ASIC2: variants seen among roughly 807,000 people sequenced by gnomAD.
ASIC2 encodes acid-sensing ion channel 2.
A neutral mutation model predicts 57.3 loss-of-function variants in ASIC2; 25 were observed. That is an observed-to-expected ratio of 0.44 (90% CI 0.32 to 0.61). The LOEUF (loss-of-function observed/expected upper bound fraction) is 0.61, where lower values mean the gene tolerates loss of function less well. Among genes scored for constraint, ASIC2 ranks in the 20% least tolerant of loss-of-function variants. The probability of loss-of-function intolerance (pLI) is 0.06; values close to 1 mark genes in which losing one functional copy is unlikely to be tolerated. For missense variants in ASIC2, 641 were observed against 738.1 expected (o/e 0.87, Z 1.52); for synonymous variants, 319 against 307.5 (o/e 1.04, Z -0.39).
chr17:34,079,962 C>T (rs1487090839), intron 1 of ASIC2, among the ~76,000 whole-genome samples: 1 of 142,134 alleles, frequency 7.0e-6, no homozygotes, highest in Non-Finnish European at 1.5e-5. Flanking sequence ...AAATCTCCAA[C>T]TTCTTGCATG....
intron 1 of ASIC2, among the ~76,000 whole-genome samples, chr17:33,756,697 AACCTCTTTAAG>A (rs1910614421): frequency 1.4e-5 from 1 of 71,036 alleles, no homozygotes; most frequent in Non-Finnish European, 5.6e-5. Context: ...ACACTTAGAG[AACCTCTTTAAG>A]AAGGTAAAGA....
chr17:33,872,449 G>C (rs2141932705), intron 1 of ASIC2, among the ~76,000 whole-genome samples: 1 of 152,268 alleles, frequency 6.6e-6, no homozygotes, highest in East Asian at 1.9e-4. Context: ...TTATGAGCCA[G>C]GTATTCCTTC....
intron 1 of ASIC2, among the ~76,000 whole-genome samples, chr17:33,224,837 T>C (rs1907821986): frequency 6.6e-6 from 1 of 152,158 alleles, no homozygotes; most frequent in Non-Finnish European, 1.5e-5. Flanking sequence ...TGGCCAGACA[T>C]GATTTGGGGT....
At chr17:33,374,039 A>C (rs1033835967) in intron 1 of ASIC2, among the ~76,000 whole-genome samples, 4 of 152,066 alleles carry the variant, frequency 2.6e-5, no homozygotes, top group Non-Finnish European at 5.9e-5. Context: ...CTTGCGGCCC[A>C]GGCTGCAGCA....
chr17:33,475,638 A>G (rs1913195503), intron 1 of ASIC2, among the ~76,000 whole-genome samples: 2 of 152,218 alleles, frequency 1.3e-5, no homozygotes, highest in Admixed American at 1.3e-4. Context: ...AGTGGCTTTC[A>G]CTGAAATTTC....
intron 1 of ASIC2, among the ~76,000 whole-genome samples, chr17:34,130,362 C>T (rs1422985387): frequency 6.6e-6 from 1 of 152,168 alleles, no homozygotes; most frequent in Non-Finnish European, 1.5e-5. Context: ...TCATGGCTTA[C>T]GAGGAGATGC....
At chr17:33,880,026 A>C (rs921818146) in intron 1 of ASIC2, among the ~76,000 whole-genome samples, 6 of 152,230 alleles carry the variant, frequency 3.9e-5, no homozygotes, top group African/African-American at 1.4e-4. Flanking sequence ...AACGAAATGA[A>C]GGCAGAAATA....
intron 1 of ASIC2, among the ~76,000 whole-genome samples, chr17:33,131,997 A>G (rs2092348110): frequency 6.6e-6 from 1 of 152,144 alleles, no homozygotes; most frequent in Non-Finnish European, 1.5e-5. Flanking sequence ...CCAAGCATCA[A>G]GAGGCCAGGG....
intron 1 of ASIC2, among the ~76,000 whole-genome samples, chr17:33,518,826 C>T (rs1424759658): frequency 2.0e-5 from 3 of 146,586 alleles, no homozygotes; most frequent in South Asian, 2.2e-4. Flanking sequence ...GATAACTACT[C>T]TTTTTTTTTT....
At chr17:33,944,486 A>G (rs141569842) in intron 1 of ASIC2, among the ~76,000 whole-genome samples, 1 of 152,180 alleles carries the variant, frequency 6.6e-6, no homozygotes, top group African/African-American at 2.4e-5. Flanking sequence ...AGATAAAAGT[A>G]AGAAGAAGTG....
At position 34,095,637 on chromosome 17, in the gene ASIC2, ATATATATATATATATATAATTT is replaced by A. The variant is rs1567818877; in HGVS notation, c.555+60319_555+60340del. Among the ~76,000 whole-genome samples the A allele has an allele frequency of 1.2e-4, 15 of 126,656 alleles. 1 individual carries two copies. Among genetic ancestry groups the A allele is most frequent in the African/African-American group, 5.1e-4 (14 of 27,490 alleles). 83.1% of individuals were successfully genotyped at this position (126,656 alleles called of 152,430 possible). On this transcript the variant is annotated intron_variant, in intron 1 of 9. Coordinates refer to the ASIC2 transcript ENST00000359872. ...TATATATATATATATATAATTTTAT[ATATATATATATATATATAATTT>A]TATATATATATAGAGAGAGAGATAT...
intron 1 of ASIC2, among the ~76,000 whole-genome samples, chr17:34,084,114 T>C (rs1910003760): frequency 6.6e-6 from 1 of 151,928 alleles, no homozygotes; most frequent in South Asian, 2.1e-4. Flanking sequence ...ATGTCCTGAA[T>C]AGTAATGCTG....
chr17:33,412,884 G>A (rs1336330810), intron 1 of ASIC2, among the ~76,000 whole-genome samples: 16 of 152,128 alleles, frequency 1.1e-4, no homozygotes, highest in South Asian at 4.2e-4. Flanking sequence ...GAGAGGAGCC[G>A]GGGTCTGGTT....
chr17:33,977,341 C>A, intron 1 of ASIC2, among the ~76,000 whole-genome samples: 1 of 152,218 alleles, frequency 6.6e-6, no homozygotes, highest in Non-Finnish European at 1.5e-5. Context: ...GCATTTGCCA[C>A]TTTCAGGGCA....
intron 1 of ASIC2, among the ~76,000 whole-genome samples, chr17:33,597,663 T>C (rs751069211): frequency 1.3e-5 from 2 of 152,162 alleles, no homozygotes; most frequent in African/African-American, 2.4e-5. Context: ...AAGTTGACCT[T>C]AATACGTGAT....
intron 1 of ASIC2, among the ~76,000 whole-genome samples, chr17:33,485,252 G>C (rs890769595): frequency 1.3e-5 from 2 of 152,240 alleles, no homozygotes; most frequent in Non-Finnish European, 2.9e-5. Flanking sequence ...AAAGGGCCTA[G>C]GGAATGTAGC....
chr17:34,100,817 C>T (rs1910838060), intron 1 of ASIC2, among the ~76,000 whole-genome samples: 1 of 152,190 alleles, frequency 6.6e-6, no homozygotes, highest in Admixed American at 6.5e-5. Context: ...ACCAGAGCTA[C>T]TCCCCACTTC....
intron 1 of ASIC2, among the ~76,000 whole-genome samples, chr17:34,044,120 A>ACACG (rs1908241976): frequency 1.6e-5 from 1 of 63,440 alleles, no homozygotes; most frequent in Non-Finnish European, 3.0e-5. Context: ...ACACACACAC[A>ACACG]CACACGCACG....
At chr17:33,066,905 A>C (rs1309780493) in intron 3 of ASIC2, among the ~76,000 whole-genome samples, 4 of 152,202 alleles carry the variant, frequency 2.6e-5, no homozygotes, top group African/African-American at 9.6e-5. Flanking sequence ...GGACAGAGAT[A>C]CAAAAATATG....
Sources: allele counts gnomAD v4.1 joint callset (sites outside exome capture counted in the v4.1 genomes callset), GRCh38; gene constraint gnomAD v4.1.1; transcripts MANE v1.5; gene names NCBI Gene and HGNC (gene_info 2026-07-23, HGNC 2026-07-21).